The following NRXN1 variants were observed in gnomAD, a reference collection of about 807,000 sequenced individuals.
NRXN1 encodes the protein neurexin-1.
A neutral mutation model predicts 150.9 loss-of-function variants in NRXN1; 39 were observed. The observed-to-expected ratio is 0.26, with a 90% CI of 0.20 to 0.34. NRXN1 has a LOEUF of 0.34. Among genes scored for constraint, NRXN1 ranks in the 10% least tolerant of loss-of-function variants. The pLI is 1.00. For missense variants in NRXN1, 1,815 were observed against 1,949.9 expected (o/e 0.93, Z 1.30); for synonymous variants, 924 against 757.0 (o/e 1.22, Z -3.62).
intron 5 of NRXN1, among the ~76,000 whole-genome samples, chr2:50,875,107 G>T (rs1227774046): frequency 2.0e-5 from 3 of 151,696 alleles, no homozygotes; most frequent in Non-Finnish European, 4.4e-5. Flanking sequence ...TTCTCTAGTA[G>T]TATCAGACTC....
rs183342572 is a variant in NRXN1, at chr2:50,136,484, T to A, written c.3547-44990A>T. Among the ~76,000 whole-genome samples the A allele has an allele frequency of 1.1e-3, 164 of 152,308 alleles. 2 individuals are homozygous for A. Among genetic ancestry groups the A allele is most frequent in the African/African-American group, 3.8e-3 (158 of 41,558 alleles). ...ATTTAATATTGTTAAAATAATTTTG[T>A]CTCTAATATCACAGCTTGTAATATC... On this transcript the variant is annotated intron_variant, in intron 18 of 22. Transcript: ENST00000401669.
chr2:50,297,540 TA>T (rs1409933245), intron 17 of NRXN1, among the ~76,000 whole-genome samples: 2 of 152,196 alleles, frequency 1.3e-5, no homozygotes, highest in Non-Finnish European at 2.9e-5. Context: ...AGGAAATTAC[TA>T]TGGACTTCAC....
intron 17 of NRXN1, among the ~76,000 whole-genome samples, chr2:50,339,652 G>A (rs115995363): frequency 0.011 from 1,626 of 152,210 alleles, 26 homozygotes; most frequent in African/African-American, 0.037. Context: ...TAGTGTTAAA[G>A]CTTTTTAGTA....
chr2:50,406,538 C>T (rs2082760549), intron 17 of NRXN1, among the ~76,000 whole-genome samples: 2 of 152,098 alleles, frequency 1.3e-5, no homozygotes, highest in South Asian at 4.1e-4. Context: ...GTTGTTTTGA[C>T]TCTGCAATCA....
intron 21 of NRXN1, among the ~76,000 whole-genome samples, chr2:50,004,768 G>A (rs1027799667): frequency 2.0e-5 from 3 of 152,122 alleles, no homozygotes; most frequent in African/African-American, 7.2e-5. Flanking sequence ...TACGTGCAGA[G>A]CTTCTATTGT....
intron 17 of NRXN1, among the ~76,000 whole-genome samples, chr2:50,246,991 C>T (rs2066560470): frequency 6.6e-6 from 1 of 152,018 alleles, no homozygotes; most frequent in Admixed American, 6.6e-5. Flanking sequence ...CAAGCTAAGT[C>T]AGGACCACTG....
At chr2:50,950,118 C>A (rs1691063722) in intron 2 of NRXN1, among the ~76,000 whole-genome samples, 1 of 152,136 alleles carries the variant, frequency 6.6e-6, no homozygotes, top group African/African-American at 2.4e-5. Flanking sequence ...GCTCTCAAAG[C>A]TTTTCCACTT....
At chr2:50,843,446 G>A (rs993652012) in intron 5 of NRXN1, among the ~76,000 whole-genome samples, 5 of 152,100 alleles carry the variant, frequency 3.3e-5, no homozygotes, top group African/African-American at 1.2e-4. Flanking sequence ...GTGATATTTT[G>A]GTTTTGAAAT....
chr2:50,270,023 T>G (rs1267011355), intron 17 of NRXN1, among the ~76,000 whole-genome samples: 1 of 152,184 alleles, frequency 6.6e-6, no homozygotes, highest in African/African-American at 2.4e-5. Flanking sequence ...AAGCCCTATC[T>G]GCATGATAAC....
chr2:49,929,722 A>AT (rs1001703473), intron 22 of NRXN1, among the ~76,000 whole-genome samples: 7 of 151,982 alleles, frequency 4.6e-5, no homozygotes, highest in African/African-American at 1.2e-4. Context: ...ATCTTTTATG[A>AT]TTTTTTTTCT....
At chr2:50,052,974 T>C (rs532043675) in intron 21 of NRXN1, among the ~76,000 whole-genome samples, 201 of 152,308 alleles carry the variant, frequency 1.3e-3, no homozygotes, top group Non-Finnish European at 2.1e-3. Context: ...GAAAATCCTA[T>C]GTAATTAGCA....
Position 50,829,999 on chromosome 2 carries a change from G to GAAAAAAAAAAAAAAAAAAAAAAAAAAAA in NRXN1, c.832+91842_832+91869dup, listed in dbSNP as rs572758147. On this transcript the variant is annotated intron_variant, in intron 5 of 22. Transcript: ENST00000401669. ...GGAACCCAAAGAATACTGCCTGCTG[G>GAAAAAAAAAAAAAAAAAAAAAAAAAAAA]AAAAAAAAAAAAAAAAAAAAAAAAA... 5.2e-5 allele frequency among the ~76,000 whole-genome samples: 3 copies of GAAAAAAAAAAAAAAAAAAAAAAAAAAAA among 58,180 alleles called. 1 individual carries two copies. Among genetic ancestry groups the GAAAAAAAAAAAAAAAAAAAAAAAAAAAA allele is most frequent in the African/African-American group, 1.0e-4 (1 of 9,526 alleles). 38.2% of individuals were successfully genotyped at this position (58,180 alleles called of 152,430 possible). A position where few individuals can be genotyped will look rare whatever the true frequency, so the allele number is the denominator to read the frequency against.
intron 8 of NRXN1, among the ~76,000 whole-genome samples, chr2:50,585,234 C>CA (rs984314824): frequency 6.6e-6 from 1 of 151,798 alleles, no homozygotes; most frequent in South Asian, 2.1e-4. Context: ...AAGACCGGGA[C>CA]AAAAAAACCA....
At chr2:50,339,725 A>G (rs923191073) in intron 17 of NRXN1, among the ~76,000 whole-genome samples, 19 of 152,200 alleles carry the variant, frequency 1.2e-4, no homozygotes, top group Non-Finnish European at 2.9e-5. Context: ...CTTCAAGTCA[A>G]ATTTGAGAAC....
intron 12 of NRXN1, among the ~76,000 whole-genome samples, chr2:50,524,883 T>C (rs1558880013): frequency 1.3e-5 from 2 of 152,050 alleles, no homozygotes; most frequent in Non-Finnish European, 2.9e-5. Context: ...AAAAAATACA[T>C]AGAAACACAT....
At chr2:50,833,147 T>C (rs1671646024) in intron 5 of NRXN1, among the ~76,000 whole-genome samples, 1 of 152,136 alleles carries the variant, frequency 6.6e-6, no homozygotes, top group African/African-American at 2.4e-5. Flanking sequence ...ATACATATAT[T>C]ACAATGAATA....
chr2:50,576,691 C>A (rs1462727094), intron 8 of NRXN1, among the ~76,000 whole-genome samples: 2 of 152,084 alleles, frequency 1.3e-5, no homozygotes, highest in African/African-American at 4.8e-5. Context: ...GTAAGACTTG[C>A]ATTGCCAAGG....
At chr2:50,385,027 G>A (rs79531535) in intron 17 of NRXN1, among the ~76,000 whole-genome samples, 3,156 of 152,264 alleles carry the variant, frequency 0.021, 94 homozygotes, top group African/African-American at 0.071. Context: ...TCAATGATCA[G>A]TCTCCTCACC....
chr2:50,714,778 C>T (rs1455555726), intron 5 of NRXN1, among the ~76,000 whole-genome samples: 2 of 152,062 alleles, frequency 1.3e-5, no homozygotes, highest in Non-Finnish European at 2.9e-5. Context: ...GTTAGTCTAC[C>T]AGAGAGTCAG....
Sources: allele counts gnomAD v4.1 joint callset (sites outside exome capture counted in the v4.1 genomes callset), GRCh38; gene constraint gnomAD v4.1.1; transcripts MANE v1.5; gene names NCBI Gene and HGNC (gene_info 2026-07-23, HGNC 2026-07-21).